The following DGKB variants were observed in gnomAD, a reference collection of about 807,000 sequenced individuals.
The protein encoded by DGKB is diacylglycerol kinase beta, also known as 90 kDa diacylglycerol kinase.
Under a neutral mutation model 114.3 loss-of-function variants are expected in DGKB, and 67 were observed. The ratio of observed to expected loss-of-function variants is 0.59; its 90% CI spans 0.48 to 0.72. DGKB has a LOEUF of 0.72. DGKB is among the 30% of genes least tolerant of loss of function. DGKB has a pLI of 0.00. For synonymous variants in DGKB, 398 were observed against 323.1 expected, an observed-to-expected ratio of 1.23 and a Z score of -2.49; for missense variants, 907 against 975.2, an observed-to-expected ratio of 0.93 and a Z score of 0.93.
intron 2 of DGKB, among the ~76,000 whole-genome samples, chr7:14,823,789 C>T (rs1428881588): frequency 3.3e-5 from 5 of 152,114 alleles, no homozygotes; most frequent in Non-Finnish European, 7.4e-5. Context: ...ATTCATATAG[C>T]TTTTAAAAAT....
chr7:14,149,157 T>A lies in DGKB; in HGVS notation c.2386A>T (p.Arg796Trp), dbSNP rs1408794212. 1 of 1,613,516 alleles carries A rather than the reference T, an allele frequency of 6.2e-7. No homozygotes were observed. The highest frequency in any genetic ancestry group is 8.5e-7 in the Non-Finnish European group (1 of 1,179,528). Reference sequence around the variant, plus strand: ...TATTCCTTGCTTCGGTTTCTTGTCCTTTTGACGAGGGAGCAGAATAAACCG... The same window carrying A: ...TATTCCTTGCTTCGGTTTCTTGTCCATTTGACGAGGGAGCAGAATAAACCG... Reference protein sequence around the residue: ...KTGLFCSLVKRTRNRSKE With the variant: ...KTGLFCSLVKWTRNRSKE The change falls in exon 26 of 26, where the codon AGG becomes TGG. Residue 796 changes from arginine to tryptophan, a missense_variant. Physicochemically the swap from Arg to Trp is moderately radical, Grantham distance 101 (BLOSUM62 -3). Around this residue, in one of 3 missense-constraint regions of DGKB, gnomAD observed 58 missense variants for 52.5 expected, o/e 1.10. Transcript: ENST00000402815.
At chr7:14,845,106 CAAAAAAAAAAAAAAAAAA>C (rs59367496) in intron 1 of DGKB, among the ~76,000 whole-genome samples, 18 of 89,232 alleles carry the variant, frequency 2.0e-4, no homozygotes, top group Non-Finnish European at 2.9e-4. Context: ...GGCCCTGTGT[CAAAAAAAAAAAAAAAAAA>C]AAAAAAAAAA....
intron 1 of DGKB, 93 bp downstream of exon 1, chr7:14,902,499 T>G (rs1783256030): frequency 6.6e-6 from 1 of 152,382 alleles, no homozygotes; most frequent in African/African-American, 2.4e-5. Flanking sequence ...TATGCTTCTC[T>G]AACTTTCCTC....
intron 20 of DGKB, among the ~76,000 whole-genome samples, chr7:14,554,653 A>G (rs2128652514): frequency 6.6e-6 from 1 of 152,256 alleles, no homozygotes; most frequent in Non-Finnish European, 1.5e-5. Flanking sequence ...TATTTACATC[A>G]TCATGTCAAT....
At chr7:14,556,251 ATTG>A (rs1332826723) in intron 20 of DGKB, among the ~76,000 whole-genome samples, 2 of 152,242 alleles carry the variant, frequency 1.3e-5, no homozygotes, top group Admixed American at 1.3e-4. Context: ...TTTTGCTGGT[ATTG>A]TTAACAAAAT....
chr7:14,587,894 C>T (rs955153150), intron 17 of DGKB, among the ~76,000 whole-genome samples: 9 of 152,126 alleles, frequency 5.9e-5, no homozygotes, highest in East Asian at 1.9e-4. Context: ...TACTGGGAAA[C>T]GAAAAAATTT....
chr7:14,251,006 A>G (rs1795153944), intron 23 of DGKB, among the ~76,000 whole-genome samples: 1 of 152,062 alleles, frequency 6.6e-6, no homozygotes, highest in Non-Finnish European at 1.5e-5. Flanking sequence ...GTAAACTTTC[A>G]ATCTATGTGT....
At chr7:14,313,148 A>G (rs1347475330) in intron 23 of DGKB, among the ~76,000 whole-genome samples, 1 of 152,214 alleles carries the variant, frequency 6.6e-6, no homozygotes, top group African/African-American at 2.4e-5. Context: ...AATGCCAAAG[A>G]ATAATATCCA....
At chr7:14,239,546 A>G (rs1793332634) in intron 23 of DGKB, among the ~76,000 whole-genome samples, 1 of 152,002 alleles carries the variant, frequency 6.6e-6, no homozygotes, top group South Asian at 2.1e-4. Flanking sequence ...TTGTGTGATT[A>G]CTCATTCATT....
At chr7:14,718,939 T>C (rs1430850689) in intron 5 of DGKB, 1 of 326,994 alleles carries the variant, frequency 3.1e-6, no homozygotes, top group African/African-American at 2.1e-5. Flanking sequence ...GTCAGAATAA[T>C]ATTACCCTAG....
At position 14,691,417 on chromosome 7, in the gene DGKB, G is replaced by A. The variant is rs193293668; in HGVS notation, c.711+2658C>T. ...CTAGATTTTCAATTAAATAAGCAAA[G>A]GTGAGGGGATAGATTCATGGATCAA... On this transcript the variant is annotated intron_variant, in intron 9 of 25. Coordinates refer to ENST00000402815, the MANE Select transcript of DGKB (RefSeq NM_001350709.2). Among the ~76,000 whole-genome samples the A allele has an allele frequency of 1.3e-3, 202 of 152,260 alleles. 1 individual carries two copies. Among genetic ancestry groups the A allele is most frequent in the African/African-American group, 4.6e-3 (192 of 41,560 alleles).
chr7:14,358,211 C>G (rs902637590), intron 21 of DGKB, among the ~76,000 whole-genome samples: 1 of 152,128 alleles, frequency 6.6e-6, no homozygotes, highest in African/African-American at 2.4e-5. Flanking sequence ...TCATTCTCCC[C>G]GTCACTTTCA....
At chr7:14,587,476 T>A (rs1800972369) in intron 17 of DGKB, among the ~76,000 whole-genome samples, 4 of 152,124 alleles carry the variant, frequency 2.6e-5, no homozygotes, top group African/African-American at 4.8e-5. Flanking sequence ...GGATTTAGAT[T>A]ATTACATAAA....
chr7:14,342,056 T>C (rs548031441), intron 22 of DGKB, among the ~76,000 whole-genome samples: 39 of 152,040 alleles, frequency 2.6e-4, no homozygotes, highest in Non-Finnish European at 4.4e-4. Flanking sequence ...ACTCTGGCTA[T>C]TGCCTCTAAG....
chr7:14,478,217 G>A lies in DGKB; in HGVS notation c.1779C>T (p.Ser593=), dbSNP rs766936033. ...NNYFSIGVDA[S]IAHRFHIMRE... is the part of the protein sequence containing the mutation. Reference sequence around the variant, plus strand: ...TCATGATGTGGAATCTGTGTGCAATGGAGGCATCCTAAGGGGAGAAAATAG... The same window carrying A: ...TCATGATGTGGAATCTGTGTGCAATAGAGGCATCCTAAGGGGAGAAAATAG... Residue 593 remains serine, a synonymous_variant, in exon 21 of 26, where the codon TCC becomes TCT. Transcript: ENST00000402815. 5 of 1,596,090 alleles carry A rather than the reference G, an allele frequency of 3.1e-6. No individual in the cohort carries two copies. The East Asian group carries it at 9.0e-5, about 29-fold the overall frequency.
At chr7:14,266,141 G>A (rs1193589217) in intron 23 of DGKB, among the ~76,000 whole-genome samples, 1 of 152,098 alleles carries the variant, frequency 6.6e-6, no homozygotes, top group Non-Finnish European at 1.5e-5. Flanking sequence ...TCAGTGTGTA[G>A]AGAAGCCATC....
rs73287096 is a variant in DGKB, at chr7:14,946,327, G to A, written c.-188+28369C>T. On this transcript the variant is annotated intron_variant, in intron 1 of 4. Transcript: ENST00000437998. The stretch of plus-strand genomic sequence containing the variant: ...AAAAAGAAATCATAGACCAAGGCTT[G>A]AAGAGAAAATGAATGGACCCTCCAT... 3.5e-3 allele frequency among the ~76,000 whole-genome samples: 534 copies of A among 151,684 alleles called. 4 individuals carry two copies. Among genetic ancestry groups the A allele is most frequent in the African/African-American group, 0.012 (500 of 41,486 alleles).
chr7:14,167,769 T>C (rs1443142757), intron 25 of DGKB, among the ~76,000 whole-genome samples: 1 of 152,200 alleles, frequency 6.6e-6, no homozygotes, highest in Non-Finnish European at 1.5e-5. Flanking sequence ...TCACAGAAGA[T>C]AGAGCAGCTT....
chr7:14,481,945 A>G (rs1419642469), intron 20 of DGKB, among the ~76,000 whole-genome samples: 1 of 152,052 alleles, frequency 6.6e-6, no homozygotes, highest in Non-Finnish European at 1.5e-5. Context: ...AAGGTACACA[A>G]TAACAACAAT....
Sources: allele counts gnomAD v4.1 joint callset (sites outside exome capture counted in the v4.1 genomes callset), GRCh38; gene constraint gnomAD v4.1.1; regional missense constraint gnomAD v4.1.1; transcripts MANE v1.5; gene names NCBI Gene and HGNC (gene_info 2026-07-23, HGNC 2026-07-21).